Variants in CD300C observed in about 807,000 individuals in gnomAD.
The protein encoded by CD300C is CD300c molecule.
CD300C carries 11 observed loss-of-function variants against 18.4 expected under a neutral mutation model. The ratio of observed to expected loss-of-function variants is 0.60; its 90% CI spans 0.38 to 0.99. The LOEUF (loss-of-function observed/expected upper bound fraction) is 0.99, where lower values mean the gene tolerates loss of function less well. CD300C is among the 50% of genes least tolerant of loss of function. The probability of loss-of-function intolerance (pLI) is 0.01; values close to 1 mark genes in which losing one functional copy is unlikely to be tolerated. For missense variants in CD300C, 277 were observed against 287.4 expected (o/e 0.96, Z 0.26); for synonymous variants, 116 against 116.3 (o/e 1.00, Z 0.02).
At chr17:74,537,024 G>A (rs1240500378), downstream of CD300C, among the ~76,000 whole-genome samples, 2 of 150,590 alleles carry the variant, frequency 1.3e-5, no homozygotes, top group Non-Finnish European at 2.9e-5. Context: ...AGGAGGAAGA[G>A]GAGGAAAAAA....
In CD300C at chr17:74,545,893, T is replaced by A; in HGVS notation, c.-111A>T. The A allele has an allele frequency of 1.1e-6, 1 of 915,892 alleles. No individual in the cohort carries two copies. Among genetic ancestry groups the A allele is most frequent in the Non-Finnish European group, 1.7e-6 (1 of 586,788 alleles). The allele number at this position is 915,892 out of a possible 1,614,324, so 56.7% of individuals were successfully genotyped here. ...CTTCTGCTTTTCTTCTGCTCTCTGCTTCCTTGTCCAGCCCTGTCTCAGGTC... is the reference window on the plus strand; with the variant it reads ...CTTCTGCTTTTCTTCTGCTCTCTGCATCCTTGTCCAGCCCTGTCTCAGGTC... On this transcript the variant is annotated 5_prime_UTR_variant, in exon 1 of 4. It adds an upstream start codon to the 5' untranslated region. Coordinates refer to ENST00000330793, the MANE Select transcript of CD300C (RefSeq NM_006678.5).
chr17:74,544,874 A>G lies in CD300C; in HGVS notation c.135T>C (p.Tyr45=), dbSNP rs1263297182. 6.2e-7 allele frequency: 1 copy of G among 1,614,132 alleles called. No individual in the cohort carries two copies. Among genetic ancestry groups the G allele is most frequent in the South Asian group, 1.1e-5 (1 of 91,070 alleles). ...VGGSLSVQCR[Y]EKEHRTLNKF... ...TGTTGAGGGTCCTGTGTTCCTTCTC[A>G]TAGCGACACTGCACACTCAGGGATC... Residue 45 remains tyrosine (Y), a synonymous_variant, in exon 2 of 4, where the codon TAT becomes TAC. Coordinates refer to ENST00000330793, the MANE Select transcript of CD300C (RefSeq NM_006678.5).
downstream of CD300C, among the ~76,000 whole-genome samples, chr17:74,539,794 G>A (rs1208317617): frequency 6.6e-6 from 1 of 152,130 alleles, no homozygotes; most frequent in Non-Finnish European, 1.5e-5. Context: ...CCTTTTTAGG[G>A]GTCCTCATGA....
downstream of CD300C, among the ~76,000 whole-genome samples, chr17:74,539,557 C>T (rs1908480030): frequency 6.6e-6 from 1 of 152,192 alleles, no homozygotes; most frequent in Non-Finnish European, 1.5e-5. Flanking sequence ...CCCAATGGCT[C>T]CTGCTGTCAC....
intron 3 of CD300C, 99 bp from the exon 4 acceptor site, chr17:74,541,835 A>T (rs1908561941): frequency 7.5e-7 from 1 of 1,332,736 alleles, no homozygotes; most frequent in Non-Finnish European, 1.0e-6. Flanking sequence ...CTGTGACCAC[A>T]GCCAACCACA....
At chr17:74,544,987 G>C (rs1032140734) in intron 1 of CD300C, 40 bp from the exon 2 acceptor site, 3 of 1,555,108 alleles carry the variant, frequency 1.9e-6, no homozygotes, top group Non-Finnish European at 2.6e-6. Flanking sequence ...CTTACCAGAG[G>C]GGCCTGGTCA....
Position 74,541,750 on chromosome 17 carries a change from G to A in CD300C, c.528-14C>T, listed in dbSNP as rs771152421. The A allele has an allele frequency of 3.1e-6, 5 of 1,607,484 alleles. No individual in the cohort carries two copies. The highest frequency in any genetic ancestry group is 1.7e-5 in the Admixed American group (1 of 58,758). On this transcript the variant is annotated splice_polypyrimidine_tract_variant and intron_variant, in intron 3 of 3. Transcript: ENST00000330793. ...CTGAACAGGGAGCTGTGGGGACACG[G>A]TGACAGGCAGTGAGTCACCTCCCCA...
chr17:74,541,650 A>T lies in CD300C; in HGVS notation c.614T>A (p.Val205Glu). 1 of 1,613,932 alleles carries T rather than the reference A, an allele frequency of 6.2e-7. No homozygotes were observed. Among genetic ancestry groups the T allele is most frequent in the Non-Finnish European group, 8.5e-7 (1 of 1,179,870 alleles). ...LLSMLGAVLW[V>E]NRPQRSSRSR... ...TCTAGAGCTTCTCTGAGGTCTGTTC[A>T]CCCAGAGGACGGCACCCAGCATGCT... is the stretch of plus-strand genomic sequence containing the variant. The change falls in exon 4 of 4, where the codon GTG (valine) becomes GAG (glutamate). Residue 205 changes from valine to glutamate, a missense_variant. Physicochemically the swap from Val to Glu is moderately radical, Grantham distance 121. Coordinates refer to ENST00000330793, the MANE Select transcript of CD300C (RefSeq NM_006678.5).
chr17:74,544,458 C>T (rs193235244), intron 2 of CD300C, 151 bp downstream of exon 2: 58 of 757,192 alleles, frequency 7.7e-5, no homozygotes, highest in East Asian at 6.5e-4. Context: ...TACACAAAGA[C>T]GCACTCACAC....
chr17:74,538,423 C>A (rs1055888626), downstream of CD300C, among the ~76,000 whole-genome samples: 1 of 152,156 alleles, frequency 6.6e-6, no homozygotes, highest in African/African-American at 2.4e-5. Flanking sequence ...CAGTGAGTTA[C>A]CTCCCCAGGG....
downstream of CD300C, among the ~76,000 whole-genome samples, chr17:74,536,644 G>GT (rs1908386913): frequency 2.0e-5 from 3 of 152,128 alleles, no homozygotes; most frequent in Admixed American, 1.3e-4. Flanking sequence ...ATGAGCATGA[G>GT]TTTAACATTA....
At chr17:74,535,359 C>G in the CD300C span, among the ~76,000 whole-genome samples, 1 of 150,462 alleles carries the variant, frequency 6.6e-6, no homozygotes, top group African/African-American at 2.4e-5. Flanking sequence ...ATCCCAGCAA[C>G]TTGGGAGGCT....
downstream of CD300C, among the ~76,000 whole-genome samples, chr17:74,537,625 T>C (rs570365386): frequency 3.1e-4 from 32 of 104,036 alleles, no homozygotes; most frequent in South Asian, 8.8e-3. Context: ...TGAGACTCCA[T>C]CTCAAAAAAA....
Position 74,541,334 on chromosome 17 carries a change from A to T in CD300C, c.*255T>A. 1 of 426,140 alleles carries T rather than the reference A, an allele frequency of 2.3e-6. No homozygotes were observed. Among genetic ancestry groups the T allele is most frequent in the Non-Finnish European group, 4.4e-6 (1 of 227,544 alleles). 26.4% of individuals were successfully genotyped at this position (426,140 alleles called of 1,614,324 possible). ...GTGCAGGGAGGGCATCCGGGCACTC[A>T]GAGGTATTGCTGACGGCCCGAGGCT... On this transcript the variant is annotated 3_prime_UTR_variant, in exon 4 of 4. Transcript: ENST00000330793.
At chr17:74,543,889 G>A (rs1000239225) in intron 2 of CD300C, among the ~76,000 whole-genome samples, 4 of 152,154 alleles carry the variant, frequency 2.6e-5, no homozygotes, top group African/African-American at 9.7e-5. Context: ...TGCCTGAGGG[G>A]GCAATTTCTG....
Position 74,542,965 on chromosome 17 carries a change from G to A in CD300C, c.423C>T (p.Ser141=). 1 of 1,613,662 alleles carries A rather than the reference G, an allele frequency of 6.2e-7. No individual in the cohort carries two copies. Among genetic ancestry groups the A allele is most frequent in the Non-Finnish European group, 8.5e-7 (1 of 1,180,030 alleles). ...CTGAGGTGCCCATGGAGCTCTGGGG[G>A]CTGGAGGCTGTGGTCGTCCCGGCTG... ...VFPAGTTTAS[S]PQSSMGTSGP... The change falls in exon 3 of 4, where the codon AGC becomes AGT. Residue 141 remains serine, a synonymous_variant. Transcript: ENST00000330793.
Position 74,546,011 on chromosome 17 carries a change from T to C in CD300C, c.-229A>G. 1 of 524,102 alleles carries C rather than the reference T, an allele frequency of 1.9e-6. No individual in the cohort carries two copies. The highest frequency in any genetic ancestry group is 3.2e-5 in the East Asian group (1 of 31,536). 32.5% of individuals were successfully genotyped at this position (524,102 alleles called of 1,614,324 possible). On this transcript the variant is annotated 5_prime_UTR_variant, in exon 1 of 4. Coordinates refer to ENST00000330793, the MANE Select transcript of CD300C (RefSeq NM_006678.5). ...ACAGCTCTGGGATGGTGCTAGTGGCTCCTCTCAACCCTGACGTCTGGCAAA... is the reference window on the plus strand; with the variant it reads ...ACAGCTCTGGGATGGTGCTAGTGGCCCCTCTCAACCCTGACGTCTGGCAAA...
chr17:74,542,717 C>T, intron 3 of CD300C, 144 bp downstream of exon 3: 5 of 991,900 alleles, frequency 5.0e-6, no homozygotes, highest in South Asian at 3.4e-5. Context: ...AAAAGGAGCG[C>T]CTGACACTTA....
chr17:74,543,089 T>G (rs1280662896), intron 2 of CD300C, 102 bp from the exon 3 acceptor site: 1 of 1,487,226 alleles, frequency 6.7e-7, no homozygotes, highest in African/African-American at 1.4e-5. Context: ...ACCAATGATG[T>G]GCTGGACAGA....
Sources: allele counts gnomAD v4.1 joint callset (sites outside exome capture counted in the v4.1 genomes callset), GRCh38; gene constraint gnomAD v4.1.1; transcripts MANE v1.5; gene names NCBI Gene and HGNC (gene_info 2026-07-23, HGNC 2026-07-21).